Variants in NTN4 observed in about 807,000 individuals in gnomAD.
NTN4 encodes netrin-4.
A neutral mutation model predicts 73.6 loss-of-function variants in NTN4; 32 were observed. The ratio of observed to expected loss-of-function variants is 0.44; its 90% confidence interval spans 0.33 to 0.58. NTN4 has a LOEUF of 0.58. Among genes scored for constraint, NTN4 ranks in the 20% least tolerant of loss-of-function variants. NTN4 has a pLI of 0.04. For missense variants in NTN4, 654 were observed against 798.3 expected, an observed-to-expected ratio of 0.82 and a Z score of 2.18; for synonymous variants, 258 against 287.5, an observed-to-expected ratio of 0.90 and a Z score of 1.04.
At chr12:95,668,303 A>G (rs1312792936) in intron 8 of NTN4, among the ~76,000 whole-genome samples, 1 of 152,196 alleles carries the variant, frequency 6.6e-6, no homozygotes, top group Non-Finnish European at 1.5e-5. Flanking sequence ...GTATTAAAAG[A>G]TTGGTTATTT....
rs74965394 is a variant in NTN4, at chr12:95,729,912, C to G, written c.864+7954G>C. Among the ~76,000 whole-genome samples the G allele has an allele frequency of 2.1e-3, 322 of 152,220 alleles. 1 individual carries two copies. The highest frequency in any genetic ancestry group is 7.2e-3 in the African/African-American group (301 of 41,534). On this transcript the variant is annotated intron_variant, in intron 3 of 9. Transcript: ENST00000343702. Reference sequence around the variant, plus strand: ...CTCTTTCCATATAGCTTCCTTCTCCCCATGAACCCATTATATTAGCAGTGA... The same window carrying G: ...CTCTTTCCATATAGCTTCCTTCTCCGCATGAACCCATTATATTAGCAGTGA...
At chr12:95,673,695 A>T (rs1592656055) in intron 7 of NTN4, 1 of 152,278 alleles carries the variant, frequency 6.6e-6, no homozygotes, top group African/African-American at 2.4e-5. Flanking sequence ...CTCTTGTGGC[A>T]GTTGAAATAG....
At position 95,707,732 on chromosome 12, in the gene NTN4, C is replaced by T. The variant is rs151323129; in HGVS notation, c.1180+2709G>A. On this transcript the variant is annotated intron_variant, in intron 5 of 9. Transcript: ENST00000343702. ...TCTTAAGCACCTGGCACATAGTAGG[C>T]GCTCAATAAAAGTAACTGGATGAAT... 3.2e-3 allele frequency among the ~76,000 whole-genome samples: 480 copies of T among 152,166 alleles called. 3 individuals carry two copies. Among genetic ancestry groups the T allele is most frequent in the African/African-American group, 0.011 (453 of 41,518 alleles).
At chr12:95,673,193 A>G (rs2120954488) in intron 7 of NTN4, 1 of 492,884 alleles carries the variant, frequency 2.0e-6, no homozygotes, top group Non-Finnish European at 3.7e-6. Context: ...GCTGCAGATG[A>G]GGACCAGTGG....
chr12:95,698,904 GA>G (rs2078462117), intron 5 of NTN4, among the ~76,000 whole-genome samples: 1 of 150,076 alleles, frequency 6.7e-6, no homozygotes, highest in Non-Finnish European at 1.5e-5. Flanking sequence ...TTTTTTTGAT[GA>G]ATTTCAATAT....
rs1044826208 is a variant in NTN4, at chr12:95,781,555, C to A, written c.585+5384G>T. On this transcript the variant is annotated intron_variant, in intron 2 of 9. Transcript: ENST00000343702. This position sits in a 1 kb window ranked among gnomAD's most constrained non-coding sequence, Gnocchi z 4.1. The stretch of plus-strand genomic sequence containing the variant: ...TGATCTGTGCAGCAAACCAATATGG[C>A]ACACATTTACCTATGCAACAAACCT... Among the ~76,000 whole-genome samples the A allele has an allele frequency of 1.3e-5, 2 of 152,126 alleles. No homozygotes were observed. The highest frequency in any genetic ancestry group is 4.8e-5 in the African/African-American group (2 of 41,426).
chr12:95,731,797 G>A (rs2078739103), intron 3 of NTN4, among the ~76,000 whole-genome samples: 1 of 152,136 alleles, frequency 6.6e-6, no homozygotes, highest in South Asian at 2.1e-4. Context: ...AAAAGAGAAT[G>A]GGCTTTAGTG....
intron 3 of NTN4, among the ~76,000 whole-genome samples, chr12:95,734,275 C>A (rs146423625): frequency 1.2e-4 from 19 of 152,182 alleles, no homozygotes; most frequent in African/African-American, 4.6e-4. Context: ...TAGCCACAGA[C>A]GAACTGGCAT....
At chr12:95,732,485 ACT>A (rs34300348) in intron 3 of NTN4, among the ~76,000 whole-genome samples, 38,979 of 147,440 alleles carry the variant, frequency 0.26, 5,818 homozygotes, top group South Asian at 0.35. Flanking sequence ...CTCACTGCAA[ACT>A]CTGCCTCCTG....
intron 5 of NTN4, among the ~76,000 whole-genome samples, chr12:95,710,122 T>A (rs1467723194): frequency 1.3e-5 from 2 of 152,194 alleles, no homozygotes; most frequent in African/African-American, 4.8e-5. Context: ...TCACAAGTAG[T>A]CTTAAGATCT....
chr12:95,781,392 T>A lies in NTN4; in HGVS notation c.585+5547A>T, dbSNP rs2079132168. ...TCACTCATGAAAACTTGCCAGGAAC[T>A]CATAGTCCTTGTCACTGTCCATTCT... On this transcript the variant is annotated intron_variant, in intron 2 of 9. Transcript: ENST00000343702. This position sits in a 1 kb window ranked among gnomAD's most constrained non-coding sequence, Gnocchi z 4.1. Among the ~76,000 whole-genome samples the A allele has an allele frequency of 1.3e-5, 2 of 152,206 alleles. No homozygotes were observed. Among genetic ancestry groups the A allele is most frequent in the African/African-American group, 4.8e-5 (2 of 41,456 alleles).
In NTN4 at chr12:95,789,224, G is replaced by A. The variant is rs2079190494; in HGVS notation, c.55+1031C>T. On this transcript the variant is annotated intron_variant, in intron 1 of 9. Transcript: ENST00000343702. This position sits in a 1 kb window ranked among gnomAD's most constrained non-coding sequence, Gnocchi z 4.0. ...ACTGGTTTGGGATGCAGACTGGAAA[G>A]CCTGGATTTTGCTGGGTGCCAGCGG... 6.6e-6 allele frequency among the ~76,000 whole-genome samples: 1 copy of A among 152,228 alleles called. No homozygotes were observed. Among genetic ancestry groups the A allele is most frequent in the Non-Finnish European group, 1.5e-5 (1 of 68,044 alleles).
intron 5 of NTN4, among the ~76,000 whole-genome samples, chr12:95,697,269 A>G (rs1257462092): frequency 6.6e-6 from 1 of 152,116 alleles, no homozygotes; most frequent in Non-Finnish European, 1.5e-5. Context: ...TTTCTTTCAC[A>G]TTAATCAATC....
At chr12:95,683,736 A>G in intron 5 of NTN4, 25 bp from the exon 6 acceptor site, 3 of 1,553,580 alleles carry the variant, frequency 1.9e-6, no homozygotes, top group Non-Finnish European at 2.6e-6. Flanking sequence ...ACACGCAAGG[A>G]TCAAAGACTG....
At chr12:95,665,397 G>A (rs1039517430) in intron 9 of NTN4, among the ~76,000 whole-genome samples, 14 of 152,118 alleles carry the variant, frequency 9.2e-5, no homozygotes, top group Non-Finnish European at 1.5e-4. Context: ...AGCAATAGTC[G>A]AAATGAATTC....
chr12:95,790,244 T>A lies in NTN4; in HGVS notation c.55+11A>T. The A allele has an allele frequency of 5.9e-6, 9 of 1,531,394 alleles. No individual in the cohort carries two copies. The highest frequency in any genetic ancestry group is 7.9e-6 in the Non-Finnish European group (9 of 1,138,838). 94.9% of individuals were successfully genotyped at this position (1,531,394 alleles called of 1,614,324 possible). ...GGGAAGGGGTGGGGGCCCCGCCGCGTCACCACCCACCTGCGGCCACCACCG... is the reference window on the plus strand; with the variant it reads ...GGGAAGGGGTGGGGGCCCCGCCGCGACACCACCCACCTGCGGCCACCACCG... On this transcript the variant is annotated intron_variant, in intron 1 of 9. Transcript: ENST00000343702. The surrounding 1 kb of genome is among the most constrained non-coding windows in gnomAD (Gnocchi z 6.5).
At chr12:95,785,216 C>G (rs1380458721) in intron 2 of NTN4, among the ~76,000 whole-genome samples, 2 of 152,168 alleles carry the variant, frequency 1.3e-5, no homozygotes, top group Non-Finnish European at 2.9e-5. Context: ...GTTACTAAAA[C>G]TGTATTTTTT....
intron 2 of NTN4, among the ~76,000 whole-genome samples, chr12:95,778,021 T>A (rs1297618313): frequency 1.3e-5 from 2 of 151,800 alleles, no homozygotes; most frequent in African/African-American, 4.8e-5. Context: ...TCAAAACCAC[T>A]CAACTACATG....
intron 2 of NTN4, among the ~76,000 whole-genome samples, chr12:95,743,356 T>G (rs2078840030): frequency 6.6e-6 from 1 of 152,226 alleles, no homozygotes; most frequent in South Asian, 2.1e-4. Context: ...GTGTTTAATG[T>G]GCTCTTCTTT....
Sources: allele counts gnomAD v4.1 joint callset (sites outside exome capture counted in the v4.1 genomes callset), GRCh38; gene constraint gnomAD v4.1.1; non-coding constraint Gnocchi (gnomAD v3.1); transcripts MANE v1.5; gene names NCBI Gene and HGNC (gene_info 2026-07-23, HGNC 2026-07-21).